The following MIER2 variants were observed in gnomAD, a reference collection of about 807,000 sequenced individuals.
The protein encoded by MIER2 is MIER family member 2.
MIER2 carries 30 observed loss-of-function variants against 67.6 expected under a neutral mutation model. That is an observed-to-expected ratio of 0.44 (90% CI 0.33 to 0.60). The LOEUF (loss-of-function observed/expected upper bound fraction) is 0.60, where lower values mean the gene tolerates loss of function less well. Ranked by LOEUF, MIER2 falls within the 20% of genes least tolerant of loss-of-function variation. The probability of loss-of-function intolerance (pLI) is 0.02; values close to 1 mark genes in which losing one functional copy is unlikely to be tolerated. For missense variants in MIER2, 702 were observed against 745.1 expected, an observed-to-expected ratio of 0.94 and a Z score of 0.67; for synonymous variants, 372 against 312.6, an observed-to-expected ratio of 1.19 and a Z score of -2.00.
intron 2 of MIER2, among the ~76,000 whole-genome samples, chr19:334,880 A>G (rs2061263486): frequency 6.6e-6 from 1 of 152,218 alleles, no homozygotes; most frequent in Non-Finnish European, 1.5e-5. Context: ...TAGAAGGAGC[A>G]GCAGGACTCA....
intron 3 of MIER2, among the ~76,000 whole-genome samples, chr19:329,644 T>C (rs1170792125): frequency 6.6e-6 from 1 of 151,984 alleles, no homozygotes; most frequent in Admixed American, 6.6e-5. Flanking sequence ...ATCCCAGCAC[T>C]TTGGGAGGCT....
rs151135997 is a variant in MIER2, at chr19:326,503, G to A, written c.585+4C>T. On this transcript the variant is annotated splice_donor_region_variant and intron_variant, in intron 6 of 13. Transcript: ENST00000264819. ...CAGGTTGGGGAGATGGCAGAACCACGTACCTTCTTACATTTGTTGGCAGGA... is the reference window on the plus strand; with the variant it reads ...CAGGTTGGGGAGATGGCAGAACCACATACCTTCTTACATTTGTTGGCAGGA... 577 of 1,613,270 alleles carry A rather than the reference G, an allele frequency of 3.6e-4. 1 individual carries two copies. In the African/African-American group the frequency reaches 4.8e-3, roughly 13 times the overall value.
rs1194971042 is a variant in MIER2, at chr19:305,620, A to G, written c.*1070T>C. ...TAAATAAAACAGCAAAGGGGGGTTC[A>G]AGGCAGTTATCACTTCACAGTGTGG... On this transcript the variant is annotated 3_prime_UTR_variant, in exon 14 of 14. Coordinates refer to ENST00000264819, the MANE Select transcript of MIER2 (RefSeq NM_017550.3). The G allele has an allele frequency of 6.6e-6, 1 of 152,496 alleles. No homozygotes were observed. Among genetic ancestry groups the G allele is most frequent in the African/African-American group, 2.4e-5 (1 of 41,454 alleles). 9.4% of individuals were successfully genotyped at this position (152,496 alleles called of 1,614,324 possible). A position where few individuals can be genotyped will look rare whatever the true frequency, so the allele number is the denominator to read the frequency against.
chr19:337,989 A>T (rs566041650), intron 1 of MIER2, among the ~76,000 whole-genome samples: 3 of 151,506 alleles, frequency 2.0e-5, no homozygotes, highest in Non-Finnish European at 2.9e-5. Context: ...CTGGCCAACA[A>T]GGTGAAACCC....
intron 1 of MIER2, among the ~76,000 whole-genome samples, chr19:338,793 G>A (rs1456780112): frequency 6.6e-6 from 1 of 152,130 alleles, no homozygotes; most frequent in Admixed American, 6.6e-5. Flanking sequence ...TATCAAAACA[G>A]TTCCATGAAG....
intron 8 of MIER2, 24 bp downstream of exon 8, chr19:313,468 T>C: frequency 6.2e-7 from 1 of 1,605,120 alleles, no homozygotes; most frequent in Non-Finnish European, 8.5e-7. Flanking sequence ...TCAGCCCCTC[T>C]GTCCCCGGCA....
intron 3 of MIER2, among the ~76,000 whole-genome samples, chr19:331,595 G>A (rs184631570): frequency 7.0e-4 from 107 of 152,190 alleles, no homozygotes; most frequent in African/African-American, 2.5e-3. Flanking sequence ...CTTGAGCCCA[G>A]GAGTTCGAGG....
chr19:309,076 A>AC (rs1970803091), intron 10 of MIER2, 151 bp from the exon 11 acceptor site: 2 of 1,115,060 alleles, frequency 1.8e-6, no homozygotes, highest in Admixed American at 5.2e-5. Flanking sequence ...CCGACCCATG[A>AC]CCCTAACAGG....
intron 7 of MIER2, among the ~76,000 whole-genome samples, chr19:315,820 T>C (rs1028165817): frequency 1.3e-5 from 2 of 152,222 alleles, no homozygotes; most frequent in Non-Finnish European, 2.9e-5. Flanking sequence ...AACTGACGAC[T>C]GATACCAACC....
rs774087026 is a variant in MIER2, at chr19:312,238, A to C, written c.842T>G (p.Val281Gly). 39 of 1,613,848 alleles carry C rather than the reference A, an allele frequency of 2.4e-5. No individual in the cohort carries two copies. Among genetic ancestry groups the C allele is most frequent in the East Asian group, 1.6e-4 (7 of 44,896 alleles). ...CCGCAGCCTTCGCAGGGCCTCCTCC[A>C]CATTGAAGTTGCATTTCACCAACTC... The part of the protein sequence containing the change: ...LYELVKCNFN[V>G]EEALRRLRFN... The change falls in exon 9 of 14, where the codon GTG becomes GGG. Residue 281 changes from valine (V) to glycine (G), a missense_variant. Coordinates refer to ENST00000264819, the MANE Select transcript of MIER2 (RefSeq NM_017550.3).
At chr19:329,304 T>G (rs1391747182) in intron 3 of MIER2, among the ~76,000 whole-genome samples, 1 of 152,208 alleles carries the variant, frequency 6.6e-6, no homozygotes, top group Non-Finnish European at 1.5e-5. Context: ...GAACAGATTC[T>G]GTATGTCCAT....
At position 307,213 on chromosome 19, in the gene MIER2, C is replaced by A. The variant is rs777926053; in HGVS notation, c.1522G>T (p.Glu508Ter). The stretch of plus-strand genomic sequence containing the variant: ...TCCCCAATGCCGATGAGTCCAAACT[C>A]GGTGACCGACAAAGCCACCTGTGCT... ...APAQVALSVT[E>*]FGLIGIGDVN... is the part of the protein sequence containing the mutation. Residue 508 changes from glutamate to a stop codon, truncating the protein, a stop_gained, in exon 13 of 14, where the codon GAG becomes TAG. Transcript: ENST00000264819. LOFTEE classifies it high-confidence loss of function. 1.9e-6 allele frequency: 3 copies of A among 1,591,334 alleles called. No individual in the cohort carries two copies. The highest frequency in any genetic ancestry group is 2.6e-6 in the Non-Finnish European group (3 of 1,169,336).
At chr19:321,089 G>C (rs1971483389) in intron 7 of MIER2, among the ~76,000 whole-genome samples, 1 of 152,202 alleles carries the variant, frequency 6.6e-6, no homozygotes. Flanking sequence ...CAGAGCAGCA[G>C]CTTGTCCCAC....
chr19:306,869 G>A (rs894571112), intron 13 of MIER2, among the ~76,000 whole-genome samples, 158 bp from the exon 14 acceptor site: 1 of 152,244 alleles, frequency 6.6e-6, no homozygotes, highest in African/African-American at 2.4e-5. Context: ...GCTGGTGGCT[G>A]GAGCAGGGGT....
rs1206539668 is a variant in MIER2 at position 308,751 on chromosome 19, C to T, written c.1109+50G>A. On this transcript the variant is annotated intron_variant, in intron 11 of 13. Transcript: ENST00000264819. The surrounding 1 kb of genome is among the most constrained non-coding windows in gnomAD (Gnocchi z 9.1). Reference sequence around the variant, plus strand: ...GCCGCCCAGGCGCCCACGTGCCCACCCCCGGCGGGGTGGCCGCCTGTCGTT... The same window carrying T: ...GCCGCCCAGGCGCCCACGTGCCCACTCCCGGCGGGGTGGCCGCCTGTCGTT... 1 of 1,593,580 alleles carries T rather than the reference C, an allele frequency of 6.3e-7. No homozygotes were observed. The highest frequency in any genetic ancestry group is 8.6e-7 in the Non-Finnish European group (1 of 1,165,536).
chr19:311,997 G>C lies in MIER2; in HGVS notation c.890-58C>G, dbSNP rs1600116759. 5.2e-6 allele frequency: 7 copies of C among 1,354,152 alleles called. No individual in the cohort carries two copies. The East Asian group carries it at 3.1e-4, about 60-fold the overall frequency. 83.9% of individuals were successfully genotyped at this position (1,354,152 alleles called of 1,614,324 possible). On this transcript the variant is annotated intron_variant, in intron 9 of 13. Coordinates refer to ENST00000264819, the MANE Select transcript of MIER2 (RefSeq NM_017550.3). ...TGCCCAGGGCGGGGCCGCAGCGGAA[G>C]GAAGGCCCAGGCCGGGGAGAACAGT...
At chr19:334,374 G>A (rs747269350) in intron 3 of MIER2, 26 bp downstream of exon 3, 1 of 1,613,372 alleles carries the variant, frequency 6.2e-7, no homozygotes, top group African/African-American at 1.3e-5. Context: ...ACCCAACACA[G>A]GGGCAGGATC....
rs117553353 is a variant in MIER2 at position 306,740 on chromosome 19, G to A, written c.1617-29C>T. The A allele has an allele frequency of 2.3e-4, 356 of 1,556,362 alleles. No individual in the cohort carries two copies. In the East Asian group the frequency reaches 7.3e-3, roughly 32 times the overall value. Reference sequence around the variant, plus strand: ...CAGGGGAGAGACCAAGAGAGACGCAGAGAGTGTCAGTGCGGCCCCACGTGC... The same window carrying A: ...CAGGGGAGAGACCAAGAGAGACGCAAAGAGTGTCAGTGCGGCCCCACGTGC... On this transcript the variant is annotated intron_variant, in intron 13 of 13. Coordinates refer to ENST00000264819, the MANE Select transcript of MIER2 (RefSeq NM_017550.3).
intron 7 of MIER2, among the ~76,000 whole-genome samples, chr19:322,357 C>G (rs954019443): frequency 2.6e-5 from 4 of 152,068 alleles, no homozygotes; most frequent in Non-Finnish European, 5.9e-5. Flanking sequence ...CATTATTATT[C>G]AAATAATGAT....
Sources: allele counts gnomAD v4.1 joint callset (sites outside exome capture counted in the v4.1 genomes callset), GRCh38; gene constraint gnomAD v4.1.1; non-coding constraint Gnocchi (gnomAD v3.1); transcripts MANE v1.5; gene names NCBI Gene and HGNC (gene_info 2026-07-23, HGNC 2026-07-21).